Variants in ELMO1 observed in about 807,000 individuals in gnomAD.
ELMO1 encodes engulfment and cell motility 1.
A neutral mutation model predicts 98.9 loss-of-function variants in ELMO1; 26 were observed. That is an observed-to-expected ratio of 0.26 (90% CI 0.19 to 0.36). The LOEUF is 0.36. Ranked by LOEUF, ELMO1 falls within the 10% of genes least tolerant of loss-of-function variation. The pLI, the probability that ELMO1 is intolerant of heterozygous loss-of-function variation, is 1.00. For synonymous variants in ELMO1, 346 were observed against 346.0 expected (o/e 1.00, Z 0.00); for missense variants, 627 against 935.2 (o/e 0.67, Z 4.30).
chr7:37,285,673 C>A (rs566437767), intron 4 of ELMO1, among the ~76,000 whole-genome samples: 4 of 152,152 alleles, frequency 2.6e-5, no homozygotes, highest in Non-Finnish European at 4.4e-5. Context: ...TTGCAACCTG[C>A]AAAAGAAGGG....
chr7:37,416,777 A>C (rs10257640), intron 1 of ELMO1, among the ~76,000 whole-genome samples: 25,477 of 152,224 alleles, frequency 0.17, 2,308 homozygotes, highest in South Asian at 0.26. Flanking sequence ...AAAGAGTAGC[A>C]TAAGAGATTT....
chr7:37,040,235 A>C (rs1795426592), intron 15 of ELMO1, among the ~76,000 whole-genome samples: 1 of 152,238 alleles, frequency 6.6e-6, no homozygotes, highest in South Asian at 2.1e-4. Flanking sequence ...CTACCACTAG[A>C]CAAAAACCAT....
intron 15 of ELMO1, among the ~76,000 whole-genome samples, chr7:37,024,941 T>C (rs1332549448): frequency 6.6e-6 from 1 of 152,188 alleles, no homozygotes; most frequent in Non-Finnish European, 1.5e-5. Context: ...TTGTGAGATG[T>C]TGAACTGAAA....
intron 1 of ELMO1, among the ~76,000 whole-genome samples, chr7:37,369,947 C>G (rs913454982): frequency 6.6e-6 from 1 of 152,128 alleles, no homozygotes; most frequent in African/African-American, 2.4e-5. Context: ...CCAGGACTGG[C>G]TCTCTCTTTA....
intron 1 of ELMO1, among the ~76,000 whole-genome samples, chr7:37,346,929 G>A (rs973070910): frequency 6.6e-5 from 10 of 152,158 alleles, no homozygotes; most frequent in Non-Finnish European, 1.0e-4. Context: ...ATACAATAAC[G>A]TGGCTCCAGT....
intron 16 of ELMO1, among the ~76,000 whole-genome samples, chr7:36,918,019 AACAC>A (rs145181005): frequency 0.02 from 3,097 of 152,326 alleles, 51 homozygotes; most frequent in Non-Finnish European, 0.034. Context: ...AATTAAAACA[AACAC>A]ACACAAAAAT....
intron 15 of ELMO1, among the ~76,000 whole-genome samples, chr7:37,038,468 C>T (rs1033641757): frequency 1.3e-5 from 2 of 152,210 alleles, no homozygotes; most frequent in African/African-American, 4.8e-5. Flanking sequence ...ACACCAGTGA[C>T]CCAAAGGATG....
intron 13 of ELMO1, among the ~76,000 whole-genome samples, chr7:37,194,157 C>A (rs1388630297): frequency 2.0e-5 from 3 of 152,160 alleles, no homozygotes; most frequent in African/African-American, 7.2e-5. Flanking sequence ...AATAGGCTAA[C>A]AAAACACTTG....
intron 15 of ELMO1, among the ~76,000 whole-genome samples, chr7:37,049,144 T>G (rs1318142001): frequency 1.3e-5 from 2 of 152,164 alleles, no homozygotes; most frequent in Non-Finnish European, 2.9e-5. Flanking sequence ...ATGTTTGTCT[T>G]GTTAAGGGAT....
chr7:37,140,056 G>C (rs184352363), intron 13 of ELMO1, among the ~76,000 whole-genome samples: 70 of 152,090 alleles, frequency 4.6e-4, no homozygotes, highest in African/African-American at 1.6e-3. Flanking sequence ...CAACTTACAC[G>C]AAAATCAACT....
At chr7:37,211,238 T>G (rs1224245809) in intron 13 of ELMO1, 148 bp downstream of exon 13, 4 of 1,125,288 alleles carry the variant, frequency 3.6e-6, no homozygotes, top group African/African-American at 3.1e-5. Flanking sequence ...CATGTGATCC[T>G]GTTTAAACCA....
At chr7:37,024,663 G>T (rs1794466725) in intron 15 of ELMO1, among the ~76,000 whole-genome samples, 1 of 152,112 alleles carries the variant, frequency 6.6e-6, no homozygotes. Flanking sequence ...CTACTATGAT[G>T]GGAATAACAA....
intron 14 of ELMO1, among the ~76,000 whole-genome samples, chr7:37,107,952 T>A (rs1467579521): frequency 6.6e-6 from 1 of 152,206 alleles, no homozygotes; most frequent in African/African-American, 2.4e-5. Context: ...GAGAGAGAAC[T>A]ATTTCTTACT....
At chr7:36,955,255 T>C (rs1480848691) in intron 16 of ELMO1, among the ~76,000 whole-genome samples, 1 of 152,180 alleles carries the variant, frequency 6.6e-6, no homozygotes, top group Admixed American at 6.5e-5. Context: ...TTTCCTATAC[T>C]ATCTGCTTCT....
chr7:37,393,101 T>C (rs2724000), intron 1 of ELMO1, among the ~76,000 whole-genome samples: 133,454 of 152,242 alleles, frequency 0.88, 58,580 homozygotes, highest in East Asian at 0.96. Flanking sequence ...AACTTGTCCA[T>C]GAGGAAAAGT....
chr7:37,197,753 T>C (rs1310003449), intron 13 of ELMO1, among the ~76,000 whole-genome samples: 1 of 152,156 alleles, frequency 6.6e-6, no homozygotes, highest in Non-Finnish European at 1.5e-5. Flanking sequence ...GGTGCTTTGA[T>C]ATGATCCTAC....
chr7:37,309,821 T>C (rs971881244), intron 4 of ELMO1, among the ~76,000 whole-genome samples: 1 of 152,202 alleles, frequency 6.6e-6, no homozygotes, highest in Non-Finnish European at 1.5e-5. Context: ...TCTCTGTCCA[T>C]CTCCTTTGAT....
At chr7:37,084,329 C>A (rs1266660099) in intron 15 of ELMO1, among the ~76,000 whole-genome samples, 2 of 152,268 alleles carry the variant, frequency 1.3e-5, no homozygotes, top group African/African-American at 4.8e-5. Flanking sequence ...TTGGAACTGA[C>A]CCTGAAGCAA....
At chr7:37,179,405 G>A (rs948355224) in intron 13 of ELMO1, among the ~76,000 whole-genome samples, 1 of 151,278 alleles carries the variant, frequency 6.6e-6, no homozygotes, top group Non-Finnish European at 1.5e-5. Flanking sequence ...AGCCTCCCGA[G>A]TATCTGTGAT....
Sources: allele counts gnomAD v4.1 joint callset (sites outside exome capture counted in the v4.1 genomes callset), GRCh38; gene constraint gnomAD v4.1.1; transcripts MANE v1.5; gene names NCBI Gene and HGNC (gene_info 2026-07-23, HGNC 2026-07-21).